Variants in BBX observed in about 807,000 individuals in gnomAD.
The protein encoded by BBX is HMG box transcription factor BBX.
Under a neutral mutation model 100.2 loss-of-function variants are expected in BBX, and 30 were observed. That is an observed-to-expected ratio of 0.30 (90% CI 0.22 to 0.41). The LOEUF (loss-of-function observed/expected upper bound fraction) is 0.41. Among genes scored for constraint, BBX ranks in the 10% least tolerant of loss-of-function variants. The pLI is 1.00. For missense variants in BBX, 1,023 were observed against 1,129.8 expected (o/e 0.91, Z 1.35); for synonymous variants, 376 against 388.1 (o/e 0.97, Z 0.37).
chr3:107,596,069 A>AT (rs1453809574), intron 2 of BBX, among the ~76,000 whole-genome samples: 1 of 152,124 alleles, frequency 6.6e-6, no homozygotes, highest in Non-Finnish European at 1.5e-5. Flanking sequence ...TTTCCAATAT[A>AT]TTTTTTTGAA....
intron 2 of BBX, among the ~76,000 whole-genome samples, chr3:107,644,826 C>T (rs893578518): frequency 2.6e-5 from 4 of 151,868 alleles, no homozygotes; most frequent in East Asian, 1.9e-4. Context: ...GTTAATAGCA[C>T]GGGGTGGCAA....
intron 2 of BBX, among the ~76,000 whole-genome samples, chr3:107,535,795 T>A (rs1206386075): frequency 2.0e-5 from 3 of 152,144 alleles, no homozygotes; most frequent in Non-Finnish European, 4.4e-5. Flanking sequence ...GACAAGGTTT[T>A]GCCATGTTGG....
chr3:107,571,025 C>T (rs1325914683), intron 2 of BBX, among the ~76,000 whole-genome samples: 2 of 151,966 alleles, frequency 1.3e-5, no homozygotes, highest in Non-Finnish European at 2.9e-5. Context: ...TGTATTGGGG[C>T]CAAGCGGTGT....
chr3:107,803,011 C>A (rs113427920), intron 17 of BBX, among the ~76,000 whole-genome samples: 1 of 152,200 alleles, frequency 6.6e-6, no homozygotes, highest in Non-Finnish European at 1.5e-5. Flanking sequence ...GTCGATACTT[C>A]TGTCTACTTT....
At chr3:107,638,832 C>CAG (rs1472921097) in intron 2 of BBX, among the ~76,000 whole-genome samples, 1 of 111,906 alleles carries the variant, frequency 8.9e-6, no homozygotes. Flanking sequence ...CACACACACA[C>CAG]AGACAAATTA....
rs566199027 is a variant in BBX, at chr3:107,640,408, A to G, written c.-83-5428A>G. Among the ~76,000 whole-genome samples the G allele has an allele frequency of 5.3e-5, 8 of 152,198 alleles. No individual in the cohort carries two copies. The South Asian group carries it at 1.2e-3, about 24-fold the overall frequency. On this transcript the variant is annotated intron_variant, in intron 2 of 17. Coordinates refer to ENST00000325805, the MANE Select transcript of BBX (RefSeq NM_001142568.3). ...TTAGTATTGAACCTTTGCTCATCCTATGCCTTTAACACTCTCCTCCATCCT... is the reference window on the plus strand; with the variant it reads ...TTAGTATTGAACCTTTGCTCATCCTGTGCCTTTAACACTCTCCTCCATCCT...
Position 107,531,688 on chromosome 3 carries a change from G to C in BBX, c.-84+5290G>C, listed in dbSNP as rs558527962. On this transcript the variant is annotated intron_variant, in intron 2 of 17. Transcript: ENST00000325805. ...AATTTGTTAGGGAAGGAAATAATAAGAGTAACCAGAAGGAGAAAAGCCAAG... is the reference window on the plus strand; with the variant it reads ...AATTTGTTAGGGAAGGAAATAATAACAGTAACCAGAAGGAGAAAAGCCAAG... 2.5e-3 allele frequency among the ~76,000 whole-genome samples: 381 copies of C among 152,106 alleles called. 1 individual carries two copies. Among genetic ancestry groups the C allele is most frequent in the Non-Finnish European group, 4.2e-3 (287 of 68,004 alleles).
At chr3:107,705,242 T>C (rs569125088) in intron 3 of BBX, among the ~76,000 whole-genome samples, 159 of 152,264 alleles carry the variant, frequency 1.0e-3, no homozygotes, top group African/African-American at 3.7e-3. Flanking sequence ...TTAGAATATG[T>C]GGTTGTCTAG....
At chr3:107,657,799 A>G (rs1340003937) in intron 3 of BBX, among the ~76,000 whole-genome samples, 3 of 152,136 alleles carry the variant, frequency 2.0e-5, no homozygotes, top group Non-Finnish European at 4.4e-5. Context: ...CAGACTGAAC[A>G]TAGGTTTAAT....
intron 2 of BBX, among the ~76,000 whole-genome samples, chr3:107,593,041 T>C (rs1439008381): frequency 6.6e-6 from 1 of 152,250 alleles, no homozygotes; most frequent in Non-Finnish European, 1.5e-5. Flanking sequence ...TCTTAAAGTC[T>C]TACTGGTGTT....
intron 2 of BBX, among the ~76,000 whole-genome samples, chr3:107,565,281 C>T (rs1051218010): frequency 6.6e-6 from 1 of 150,710 alleles, no homozygotes; most frequent in Admixed American, 6.6e-5. Flanking sequence ...CCTGTTCAAT[C>T]GTTTAGTTTT....
At chr3:107,686,685 C>T (rs1053798744) in intron 3 of BBX, among the ~76,000 whole-genome samples, 4 of 152,098 alleles carry the variant, frequency 2.6e-5, no homozygotes, top group Non-Finnish European at 5.9e-5. Context: ...GGTAGTTCTT[C>T]CCTGAGCACA....
chr3:107,525,239 G>A (rs1202103894), intron 1 of BBX, among the ~76,000 whole-genome samples: 9 of 151,020 alleles, frequency 6.0e-5, no homozygotes, highest in Non-Finnish European at 1.3e-4. Context: ...GGCAGCGCCG[G>A]GCCGGGCGCC....
chr3:107,648,079 T>C (rs763422615), intron 3 of BBX, among the ~76,000 whole-genome samples: 3 of 152,204 alleles, frequency 2.0e-5, no homozygotes, highest in Non-Finnish European at 4.4e-5. Context: ...ATTTTAACTA[T>C]TATATCTGCA....
chr3:107,714,407 T>C (rs2061954068), intron 4 of BBX, among the ~76,000 whole-genome samples: 1 of 147,982 alleles, frequency 6.8e-6, no homozygotes, highest in Non-Finnish European at 1.5e-5. Flanking sequence ...TTTATGTTTA[T>C]ATGGTTTTTC....
At chr3:107,698,017 C>T (rs187828007) in intron 3 of BBX, among the ~76,000 whole-genome samples, 44 of 152,040 alleles carry the variant, frequency 2.9e-4, no homozygotes, top group Admixed American at 1.0e-3. Context: ...TGACCCCTTG[C>T]GCTTCCCGAG....
intron 3 of BBX, among the ~76,000 whole-genome samples, chr3:107,680,746 C>T (rs973316929): frequency 2.6e-5 from 4 of 152,158 alleles, no homozygotes; most frequent in Admixed American, 6.6e-5. Context: ...TCAACATCCA[C>T]ACTAAGTGAT....
chr3:107,593,041 T>A (rs1439008381), intron 2 of BBX, among the ~76,000 whole-genome samples: 1 of 152,250 alleles, frequency 6.6e-6, no homozygotes, highest in African/African-American at 2.4e-5. Context: ...TCTTAAAGTC[T>A]TACTGGTGTT....
intron 2 of BBX, among the ~76,000 whole-genome samples, chr3:107,598,268 G>A (rs1459060141): frequency 6.6e-6 from 1 of 152,134 alleles, no homozygotes; most frequent in Admixed American, 6.5e-5. Flanking sequence ...CTAGGGTAAT[G>A]TCTTAGGTCT....
Sources: gnomAD v4.1 joint callset for allele counts (sites outside exome capture counted in the v4.1 genomes callset) on GRCh38, gnomAD v4.1.1 for gene constraint, MANE v1.5 for transcripts, NCBI Gene and HGNC (gene_info 2026-07-23, HGNC 2026-07-21) for gene names.